Variants in SHLD1 observed in about 807,000 individuals in gnomAD.
The protein encoded by SHLD1 is RINN1-REV7-interacting novel NHEJ regulator 3.
A neutral mutation model predicts 5.5 loss-of-function variants in SHLD1; 3 were observed. The ratio of observed to expected loss-of-function variants is 0.54; its 90% CI spans 0.25 to 1.40. SHLD1 has a LOEUF of 1.40. Ranked by LOEUF, SHLD1 falls within the 40% of genes most tolerant of loss-of-function variation. The pLI is 0.15. For synonymous variants in SHLD1, 92 were observed against 94.3 expected (o/e 0.98, Z 0.14); for missense variants, 210 against 244.4 (o/e 0.86, Z 0.94).
chr20:5,816,089 GAAAA>G (rs141881349), intron 2 of SHLD1, among the ~76,000 whole-genome samples: 13 of 86,322 alleles, frequency 1.5e-4, no homozygotes, highest in East Asian at 6.5e-4. Context: ...TCAAAAAAAC[GAAAA>G]AAAAAAAAAA....
intron 2 of SHLD1, among the ~76,000 whole-genome samples, chr20:5,842,563 A>G (rs1268138537): frequency 6.6e-6 from 1 of 152,152 alleles, no homozygotes; most frequent in Non-Finnish European, 1.5e-5. Flanking sequence ...CCCACCCATT[A>G]ACTCGTTGTC....
At position 5,832,736 on chromosome 20, in the gene SHLD1, G is replaced by T. The variant is rs565314748; in HGVS notation, c.179-30288G>T. Among the ~76,000 whole-genome samples, 37 of 151,804 alleles carry T rather than the reference G, an allele frequency of 2.4e-4. 1 individual carries two copies. The highest frequency in any genetic ancestry group is 8.7e-4 in the African/African-American group (36 of 41,370). ...TCCTCAGTCTCATCCTGAAAGCAGGGATCATACAAACCTGCTCAGCCTGCA... is the reference window on the plus strand; with the variant it reads ...TCCTCAGTCTCATCCTGAAAGCAGGTATCATACAAACCTGCTCAGCCTGCA... On this transcript the variant is annotated intron_variant, in intron 2 of 2. Coordinates refer to ENST00000303142, the MANE Select transcript of SHLD1 (RefSeq NM_152504.4).
intron 1 of SHLD1, among the ~76,000 whole-genome samples, chr20:5,764,020 G>A (rs533483919): frequency 1.3e-3 from 191 of 146,646 alleles, no homozygotes; most frequent in African/African-American, 4.3e-3. Flanking sequence ...CCAGCTACTC[G>A]GGAGACTGAG....
At position 5,863,380 on chromosome 20, in the gene SHLD1, T is replaced by C. The variant is rs538449719; in HGVS notation, c.535T>C (p.Leu179=). ...FYPLEEGSTS[L]DDEKPNPGLS... is the part of the protein sequence containing the mutation. ...CCCACTGGAGGAAGGAAGTACATCT[T>C]TGGATGATGAAAAGCCAAACCCAGG... The change falls in exon 3 of 3, where the codon TTG becomes CTG. Residue 179 remains leucine (L), a synonymous_variant. Transcript: ENST00000303142. 1.9e-6 allele frequency: 3 copies of C among 1,614,156 alleles called. No homozygotes were observed. In the East Asian group the frequency reaches 6.7e-5, roughly 36 times the overall value.
At chr20:5,781,623 A>G (rs148430859) in intron 2 of SHLD1, among the ~76,000 whole-genome samples, 2,051 of 150,470 alleles carry the variant, frequency 0.014, 26 homozygotes, top group Middle Eastern at 0.038. Flanking sequence ...GATTACAGGC[A>G]CCCACCACCC....
chr20:5,862,943 A>T, intron 2 of SHLD1, 81 bp from the exon 3 acceptor site: 1 of 1,259,280 alleles, frequency 7.9e-7, no homozygotes, highest in Non-Finnish European at 1.1e-6. Context: ...TTGAACTGAA[A>T]ATAGACATCA....
chr20:5,851,482 C>T (rs552386623), intron 2 of SHLD1, among the ~76,000 whole-genome samples: 43 of 149,596 alleles, frequency 2.9e-4, no homozygotes, highest in Non-Finnish European at 5.6e-4. Flanking sequence ...CAGAGTGAGA[C>T]CCCTGTCTCC....
intron 2 of SHLD1, among the ~76,000 whole-genome samples, chr20:5,861,987 G>A (rs1413736056): frequency 2.0e-5 from 3 of 152,140 alleles, no homozygotes; most frequent in Non-Finnish European, 4.4e-5. Flanking sequence ...CTCACTGTGT[G>A]CTCACATGGC....
Position 5,822,306 on chromosome 20 carries a change from A to G in SHLD1, c.179-40718A>G, listed in dbSNP as rs572454735. Among the ~76,000 whole-genome samples the G allele has an allele frequency of 8.6e-4, 131 of 152,080 alleles. 1 individual carries two copies. The South Asian group carries it at 0.011, about 13-fold the overall frequency. ...AACCCCATCTCTACTAAAAATACAG[A>G]AAATTAGCCGGGCGTGGTGACGGGT... On this transcript the variant is annotated intron_variant, in intron 2 of 2. Coordinates refer to ENST00000303142, the MANE Select transcript of SHLD1 (RefSeq NM_152504.4).
At chr20:5,750,504 G>GC (rs1254951614) in intron 1 of SHLD1, 25 bp downstream of exon 1, 1 of 142,346 alleles carries the variant, frequency 7.0e-6, no homozygotes, top group African/African-American at 2.7e-5. Context: ...GGATGGGGGG[G>GC]GGTTGGAGTG....
chr20:5,785,744 C>T (rs6053686), intron 2 of SHLD1, among the ~76,000 whole-genome samples: 2,592 of 146,118 alleles, frequency 0.018, 59 homozygotes, highest in African/African-American at 0.055. Flanking sequence ...TGCAGTGAGC[C>T]GAGACTGTGC....
At chr20:5,796,521 G>A (rs771454323) in intron 2 of SHLD1, among the ~76,000 whole-genome samples, 1 of 151,910 alleles carries the variant, frequency 6.6e-6, no homozygotes, top group Non-Finnish European at 1.5e-5. Context: ...CATTTTCAGC[G>A]TGAGTTAGAA....
intron 2 of SHLD1, among the ~76,000 whole-genome samples, chr20:5,831,751 A>G (rs1461101502): frequency 6.6e-6 from 1 of 151,424 alleles, no homozygotes; most frequent in Non-Finnish European, 1.5e-5. Context: ...CTCTCTCTCA[A>G]TTTTCTTGTT....
intron 2 of SHLD1, among the ~76,000 whole-genome samples, chr20:5,797,599 T>C (rs1281409741): frequency 1.1e-4 from 16 of 152,156 alleles, no homozygotes. Context: ...AAGTCCCATA[T>C]AGTCCCAGTC....
chr20:5,766,996 A>G (rs1170564467), intron 1 of SHLD1, among the ~76,000 whole-genome samples: 1 of 152,066 alleles, frequency 6.6e-6, no homozygotes, highest in Non-Finnish European at 1.5e-5. Context: ...CATAATTTGG[A>G]TATTGCCTCC....
At chr20:5,792,991 G>A (rs375137736) in intron 2 of SHLD1, among the ~76,000 whole-genome samples, 6 of 152,238 alleles carry the variant, frequency 3.9e-5, no homozygotes, top group South Asian at 2.1e-4. Flanking sequence ...TTGTTCTTTT[G>A]CATGTGGATA....
At chr20:5,792,479 G>A (rs139593336) in intron 2 of SHLD1, among the ~76,000 whole-genome samples, 166 of 152,080 alleles carry the variant, frequency 1.1e-3, no homozygotes, top group African/African-American at 3.6e-3. Flanking sequence ...AAGTACAGTG[G>A]CATGATCTCG....
intron 2 of SHLD1, among the ~76,000 whole-genome samples, chr20:5,784,671 C>T (rs1029591039): frequency 1.3e-5 from 2 of 151,934 alleles, no homozygotes; most frequent in South Asian, 2.1e-4. Flanking sequence ...AGGTTGGTCT[C>T]GATCGCCTGA....
chr20:5,854,872 C>CTTTTTTTTT (rs55776293), intron 2 of SHLD1, among the ~76,000 whole-genome samples: 3 of 130,032 alleles, frequency 2.3e-5, no homozygotes, highest in African/African-American at 9.8e-5. Context: ...CTCTATGACT[C>CTTTTTTTTT]TTTTTTTTTT....
Sources: allele counts gnomAD v4.1 joint callset (sites outside exome capture counted in the v4.1 genomes callset), GRCh38; gene constraint gnomAD v4.1.1; transcripts MANE v1.5; gene names NCBI Gene and HGNC (gene_info 2026-07-23, HGNC 2026-07-21).